The following CDHR2 variants were observed in gnomAD, a reference collection of about 807,000 sequenced individuals.
CDHR2 encodes the protein cadherin-related family member 2.
Under a neutral mutation model 138.6 loss-of-function variants are expected in CDHR2, and 104 were observed. That is an observed-to-expected ratio of 0.75 (90% CI 0.64 to 0.88). The LOEUF is 0.88. Among genes scored for constraint, CDHR2 ranks in the 40% least tolerant of loss-of-function variants. The pLI, the probability that CDHR2 is intolerant of heterozygous loss-of-function variation, is 0.00. For missense variants in CDHR2, 1,624 were observed against 1,727.6 expected, an observed-to-expected ratio of 0.94 and a Z score of 1.06; for synonymous variants, 755 against 742.8, an observed-to-expected ratio of 1.02 and a Z score of -0.27.
In CDHR2 at chr5:176,571,252, G is replaced by C. The variant is rs139892616; in HGVS notation, c.355G>C (p.Asp119His). 2.5e-6 allele frequency: 4 copies of C among 1,612,616 alleles called. No homozygotes were observed. ...GCTGGTGATTGTGGAAGATAGAAAC[G>C]ACAACGCACCCGTTTTCCAGAACAC... is the stretch of plus-strand genomic sequence containing the variant. ...EMLVIVEDRN[D>H]NAPVFQNTAF... Residue 119 changes from aspartate (D) to histidine (H), a missense_variant, in exon 6 of 32, where the codon GAC becomes CAC. Physicochemically the swap from Asp to His is moderately conservative, Grantham distance 81 (BLOSUM62 -1). Transcript: ENST00000261944.
At position 176,595,788 on chromosome 5, in the gene CDHR2, A is replaced by C; in HGVS notation, c.*116A>C. 12 of 1,013,988 alleles carry C rather than the reference A, an allele frequency of 1.2e-5. No individual in the cohort carries two copies. The highest frequency in any genetic ancestry group is 2.8e-5 in the East Asian group (1 of 35,386). 62.8% of individuals were successfully genotyped at this position (1,013,988 alleles called of 1,614,324 possible). On this transcript the variant is annotated 3_prime_UTR_variant, in exon 32 of 32. Transcript: ENST00000261944. ...CCCTGCCTCCTGCTTTTGGCCAATC[A>C]CGGCAGACAGGGGTTGGGGAAATAT...
chr5:176,572,945 G>A (rs1758270856), intron 6 of CDHR2, among the ~76,000 whole-genome samples: 1 of 152,236 alleles, frequency 6.6e-6, no homozygotes, highest in African/African-American at 2.4e-5. Flanking sequence ...TCAGATGGCG[G>A]TGAGCCCCAC....
rs1758453437 is a variant in CDHR2, at chr5:176,578,454, A to G, written c.1664A>G (p.Tyr555Cys). Residue 555 changes from tyrosine (Y) to cysteine (C), a missense_variant, in exon 16 of 32, where the codon TAC becomes TGC. By Grantham distance (194) the Tyr-to-Cys change is radical. Coordinates refer to ENST00000261944, the MANE Select transcript of CDHR2 (RefSeq NM_017675.6). ...GACCGGGAGAGCCAGGCCGTGTACT[A>G]CCTGACGCTGCAGGCCACAGACGGC... ...LLDRESQAVY[Y>C]LTLQATDGGN... is the part of the protein sequence containing the mutation. 5 of 1,613,720 alleles carry G rather than the reference A, an allele frequency of 3.1e-6. No homozygotes were observed. The highest frequency in any genetic ancestry group is 4.2e-6 in the Non-Finnish European group (5 of 1,179,850).
chr5:176,588,408 A>AGGT (rs565293476), intron 21 of CDHR2, among the ~76,000 whole-genome samples: 1 of 131,470 alleles, frequency 7.6e-6, no homozygotes, highest in Non-Finnish European at 1.7e-5. Context: ...TGCATGAGAG[A>AGGT]GTGAGGGTGT....
chr5:176,565,182 G>A, intron 1 of CDHR2, 156 bp from the exon 2 acceptor site: 1 of 628,748 alleles, frequency 1.6e-6, no homozygotes, highest in Non-Finnish European at 2.9e-6. Flanking sequence ...CCTGACCCTA[G>A]AGCATCTGGA....
rs184573686 is a variant in CDHR2 at position 176,556,392 on chromosome 5, C to T, written c.-16+6978C>T. ...TCAAGAAACACCTAAACAGGCCGGG[C>T]GCGGTGGCTCACGCCTGTAATCCCA... On this transcript the variant is annotated intron_variant, in intron 1 of 31. Coordinates refer to ENST00000261944, the MANE Select transcript of CDHR2 (RefSeq NM_017675.6). Among the ~76,000 whole-genome samples the T allele has an allele frequency of 2.0e-4, 30 of 152,122 alleles. No homozygotes were observed. In the East Asian group the frequency reaches 4.3e-3, roughly 22 times the overall value.
chr5:176,584,934 G>C lies in CDHR2; in HGVS notation c.2653G>C (p.Glu885Gln). 7.5e-6 allele frequency: 12 copies of C among 1,595,188 alleles called. No homozygotes were observed. The highest frequency in any genetic ancestry group is 1.0e-5 in the Non-Finnish European group (12 of 1,170,582). ...YINQSKAIDY[E>Q]ACDLVTLVVR... Reference sequence around the variant, plus strand: ...CAACCAGAGCAAAGCCATCGACTACGAGGCCTGTGACCTGGTCACGCTGGT... The same window carrying C: ...CAACCAGAGCAAAGCCATCGACTACCAGGCCTGTGACCTGGTCACGCTGGT... The change falls in exon 19 of 32, where the codon GAG becomes CAG. Residue 885 changes from glutamate to glutamine, a missense_variant. Glu to Gln is a conservative substitution (Grantham distance 29). Coordinates refer to ENST00000261944, the MANE Select transcript of CDHR2 (RefSeq NM_017675.6).
intron 16 of CDHR2, among the ~76,000 whole-genome samples, chr5:176,578,837 G>A (rs1314698980): frequency 2.0e-5 from 3 of 152,166 alleles, no homozygotes; most frequent in Non-Finnish European, 2.9e-5. Flanking sequence ...GCCTGCCAGA[G>A]AAATCCCTCA....
rs1186472947 is a variant in CDHR2 at position 176,576,278 on chromosome 5, G to C, written c.1194+93G>C. On this transcript the variant is annotated intron_variant, in intron 12 of 31. Coordinates refer to ENST00000261944, the MANE Select transcript of CDHR2 (RefSeq NM_017675.6). This position sits in a 1 kb window ranked among gnomAD's most constrained non-coding sequence, Gnocchi z 4.5. Reference sequence around the variant, plus strand: ...ACGGTGTCATGTGGTGCTGGGTGGCGGTGCTGGTGGTGCAGGGTGTGATGG... The same window carrying C: ...ACGGTGTCATGTGGTGCTGGGTGGCCGTGCTGGTGGTGCAGGGTGTGATGG... 1.4e-5 allele frequency: 14 copies of C among 971,828 alleles called. No individual in the cohort carries two copies. Among genetic ancestry groups the C allele is most frequent in the Non-Finnish European group, 2.2e-5 (14 of 647,382 alleles). The allele number at this position is 971,828 out of a possible 1,614,324, so 60.2% of individuals were successfully genotyped here.
chr5:176,581,541 C>G lies in CDHR2; in HGVS notation c.2017C>G (p.Pro673Ala), dbSNP rs1487628908. The G allele has an allele frequency of 6.2e-7, 1 of 1,614,066 alleles. No homozygotes were observed. The change falls in exon 17 of 32, where the codon CCT (proline) becomes GCT (alanine). Residue 673 changes from proline (P) to alanine (A), a missense_variant. By Grantham distance (27) the Pro-to-Ala change is conservative. Around this residue, in one of 3 missense-constraint regions of CDHR2, gnomAD observed 1,061 missense variants for 1,136.6 expected, o/e 0.93. Transcript: ENST00000261944. ...AGTGCTTGTGTCTGACTGCGGCGAG[C>G]CTGTCCTCGGCACCAAAGTCAATGT... ...LTVLVSDCGE[P>A]VLGTKVNVTI...
rs371062426 is a variant in CDHR2 at position 176,581,471 on chromosome 5, C to G, written c.1947C>G (p.Asp649Glu). 2.7e-5 allele frequency: 44 copies of G among 1,614,166 alleles called. No individual in the cohort carries two copies. Among genetic ancestry groups the G allele is most frequent in the Non-Finnish European group, 3.3e-5 (39 of 1,180,048 alleles). Residue 649 changes from aspartate to glutamate, a missense_variant, in exon 17 of 32, where the codon GAC (aspartate) becomes GAG (glutamate). Physicochemically the swap from Asp to Glu is conservative, Grantham distance 45. Transcript: ENST00000261944. Reference sequence around the variant, plus strand: ...TCCTCAGAAACCTGGGGCCCCTGGACAGAGAGGCCATCGACCCCGCCCTGG... The same window carrying G: ...TCCTCAGAAACCTGGGGCCCCTGGAGAGAGAGGCCATCGACCCCGCCCTGG... ...TGLLRNLGPL[D>E]REAIDPALEG...
chr5:176,590,343 GC>G lies in CDHR2; in HGVS notation c.3353+16del. On this transcript the variant is annotated intron_variant, in intron 26 of 31. Coordinates refer to ENST00000261944, the MANE Select transcript of CDHR2 (RefSeq NM_017675.6). ...ATGAGCTGAGTGTGTGAGTGGGGCTGCCCTTGGGGCAGGTGTGAGGGTGAGC... is the reference window on the plus strand; with the variant it reads ...ATGAGCTGAGTGTGTGAGTGGGGCTGCCTTGGGGCAGGTGTGAGGGTGAGC... 1 of 1,614,170 alleles carries G rather than the reference GC, an allele frequency of 6.2e-7. No homozygotes were observed. The highest frequency in any genetic ancestry group is 1.1e-5 in the South Asian group (1 of 91,088).
At chr5:176,557,712 T>TCC (rs1561866775) in intron 1 of CDHR2, among the ~76,000 whole-genome samples, 6 of 146,224 alleles carry the variant, frequency 4.1e-5, no homozygotes, top group African/African-American at 1.3e-4. Context: ...CTTTCTTTCT[T>TCC]TTTTTTTTAT....
intron 6 of CDHR2, among the ~76,000 whole-genome samples, chr5:176,572,390 AAAAT>A (rs10527338): frequency 5.4e-5 from 8 of 148,518 alleles, no homozygotes; most frequent in African/African-American, 1.2e-4. Flanking sequence ...CTCCATCTCA[AAAAT>A]AAATAAATAA....
In CDHR2 at chr5:176,577,572, G is replaced by T; in HGVS notation, c.1350+18G>T. 1.2e-6 allele frequency: 2 copies of T among 1,613,746 alleles called. No homozygotes were observed. Among genetic ancestry groups the T allele is most frequent in the East Asian group, 2.2e-5 (1 of 44,870 alleles). ...CGGTGCAGGTGAGGGCTGCTCCGGG[G>T]TGCCAGGGGCAGAAGCCGAGGGGCA... On this transcript the variant is annotated intron_variant, in intron 13 of 31. Coordinates refer to ENST00000261944, the MANE Select transcript of CDHR2 (RefSeq NM_017675.6).
chr5:176,553,817 G>T lies in CDHR2; in HGVS notation c.-16+4403G>T, dbSNP rs1395281023. 6.6e-6 allele frequency among the ~76,000 whole-genome samples: 1 copy of T among 151,446 alleles called. No individual in the cohort carries two copies. Among genetic ancestry groups the T allele is most frequent in the Non-Finnish European group, 1.5e-5 (1 of 67,882 alleles). On this transcript the variant is annotated intron_variant, in intron 1 of 31. Coordinates refer to ENST00000261944, the MANE Select transcript of CDHR2 (RefSeq NM_017675.6). This position sits in a 1 kb window ranked among gnomAD's most constrained non-coding sequence, Gnocchi z 4.3. ...CAGCACACACATCATCAGCATGTCC[G>T]TCCCTACTTACCACCACCAGTGCCA... is the stretch of plus-strand genomic sequence containing the variant.
rs1202325440 is a variant in CDHR2 at position 176,595,550 on chromosome 5, ACAC to A, written c.3817_3819del (p.Pro1273del). 1.2e-6 allele frequency: 2 copies of A among 1,608,108 alleles called. No homozygotes were observed. The highest frequency in any genetic ancestry group is 2.2e-5 in the South Asian group (2 of 90,460). On this transcript the variant is annotated inframe_deletion, in exon 32 of 32. Transcript: ENST00000261944. ...CCTGCAGGAGCACAGGCCACCACAC[ACAC>A]CACCAGAGCCAGATCCAGAGCCCCT...
At chr5:176,595,938 G>T, downstream of CDHR2, 1 of 352,846 alleles carries the variant, frequency 2.8e-6, no homozygotes, top group Non-Finnish European at 5.1e-6. Flanking sequence ...GGGCTGGAGA[G>T]GGTGGCCTTT....
chr5:176,567,931 C>A (rs1475967021), intron 3 of CDHR2, among the ~76,000 whole-genome samples: 2 of 152,262 alleles, frequency 1.3e-5, no homozygotes, highest in East Asian at 3.8e-4. Flanking sequence ...ACCTGGCCTT[C>A]TGCTTTTAAA....
Sources: gnomAD v4.1 joint callset for allele counts (sites outside exome capture counted in the v4.1 genomes callset) on GRCh38, gnomAD v4.1.1 for gene constraint, gnomAD v4.1.1 regional missense constraint, Gnocchi (gnomAD v3.1) non-coding constraint, MANE v1.5 for transcripts, NCBI Gene and HGNC (gene_info 2026-07-23, HGNC 2026-07-21) for gene names.